Variants in SMC1B observed in about 807,000 individuals in gnomAD.
The protein encoded by SMC1B is structural maintenance of chromosomes protein 1B.
Under a neutral mutation model 157.9 loss-of-function variants are expected in SMC1B, and 60 were observed. The ratio of observed to expected loss-of-function variants is 0.38; its 90% CI spans 0.31 to 0.47. The LOEUF is 0.47. Among genes scored for constraint, SMC1B ranks in the 20% least tolerant of loss-of-function variants. The pLI is 0.99. For missense variants in SMC1B, 1,165 were observed against 1,426.2 expected (o/e 0.82, Z 2.95); for synonymous variants, 445 against 483.0 (o/e 0.92, Z 1.03).
At chr22:45,358,336 C>T (rs2086688930) in intron 19 of SMC1B, among the ~76,000 whole-genome samples, 2 of 152,180 alleles carry the variant, frequency 1.3e-5, no homozygotes, top group African/African-American at 4.8e-5. Context: ...GCCAACTGGC[C>T]ATGAGTCTGG....
intron 17 of SMC1B, among the ~76,000 whole-genome samples, chr22:45,360,347 A>G (rs2086709192): frequency 6.6e-6 from 1 of 152,132 alleles, no homozygotes. Flanking sequence ...TACCACCACC[A>G]CTAATGTAGT....
At chr22:45,405,402 A>AC (rs2087247809) in intron 4 of SMC1B, among the ~76,000 whole-genome samples, 1 of 152,062 alleles carries the variant, frequency 6.6e-6, no homozygotes, top group South Asian at 2.1e-4. Flanking sequence ...CAAAAAAAAA[A>AC]TTAGCCAGGA....
intron 22 of SMC1B, among the ~76,000 whole-genome samples, chr22:45,350,283 T>G (rs5765265): frequency 6.8e-6 from 1 of 146,304 alleles, no homozygotes; most frequent in Non-Finnish European, 1.5e-5. Context: ...TTTTTTTAAA[T>G]TTTTTTATTT....
At chr22:45,359,082 A>G (rs1179379229) in intron 18 of SMC1B, among the ~76,000 whole-genome samples, 2 of 152,148 alleles carry the variant, frequency 1.3e-5, no homozygotes, top group Non-Finnish European at 1.5e-5. Context: ...AAACAAAAAC[A>G]AAAAAACCCC....
At chr22:45,355,876 C>T (rs2086664882) in intron 19 of SMC1B, among the ~76,000 whole-genome samples, 1 of 152,144 alleles carries the variant, frequency 6.6e-6, no homozygotes, top group African/African-American at 2.4e-5. Context: ...TCAAGACCAG[C>T]CTGACCAACA....
chr22:45,365,238 C>A (rs1343054131), intron 15 of SMC1B, among the ~76,000 whole-genome samples: 1 of 152,124 alleles, frequency 6.6e-6, no homozygotes, highest in African/African-American at 2.4e-5. Context: ...AAATTTATAC[C>A]TCTAGCCTGG....
intron 12 of SMC1B, among the ~76,000 whole-genome samples, chr22:45,381,128 T>C (rs970145768): frequency 2.0e-4 from 30 of 152,036 alleles, no homozygotes; most frequent in Admixed American, 1.4e-3. Context: ...GGAAATCTTT[T>C]TGTGCGCTGG....
At chr22:45,403,232 T>C (rs1371119869) in intron 4 of SMC1B, among the ~76,000 whole-genome samples, 1 of 152,166 alleles carries the variant, frequency 6.6e-6, no homozygotes, top group African/African-American at 2.4e-5. Flanking sequence ...ATATTGTGAT[T>C]ATTATAGTCT....
intron 2 of SMC1B, among the ~76,000 whole-genome samples, chr22:45,407,945 T>TAC (rs777462580): frequency 2.6e-5 from 4 of 152,030 alleles, no homozygotes; most frequent in East Asian, 1.9e-4. Context: ...AATGTATATA[T>TAC]ACACACACAC....
chr22:45,388,958 G>C (rs2087022768), intron 10 of SMC1B, among the ~76,000 whole-genome samples: 2 of 125,172 alleles, frequency 1.6e-5, no homozygotes, highest in Admixed American at 2.0e-4. Flanking sequence ...CTGCACTCCA[G>C]ACTGGGCGAA....
At chr22:45,371,719 G>A (rs136570) in intron 13 of SMC1B, 132 bp from the exon 14 acceptor site, 531,198 of 1,077,698 alleles carry the variant, frequency 0.49, 139,016 homozygotes, top group African/African-American at 0.9. Context: ...TGGATAAAAG[G>A]TTAAATACCA....
chr22:45,375,237 CCT>C (rs1297156167), intron 12 of SMC1B, among the ~76,000 whole-genome samples: 3 of 152,168 alleles, frequency 2.0e-5, no homozygotes, highest in Non-Finnish European at 4.4e-5. Flanking sequence ...CTGGAAGCCC[CCT>C]CTCTGTTTCG....
intron 19 of SMC1B, 106 bp downstream of exon 19, chr22:45,358,591 T>TC: frequency 1.5e-6 from 1 of 679,964 alleles, no homozygotes; most frequent in Admixed American, 3.1e-5. Flanking sequence ...CATTAGGAAA[T>TC]CTTTTAAAAA....
At position 45,354,969 on chromosome 22, in the gene SMC1B, C is replaced by G. The variant is rs2086655541; in HGVS notation, c.3108G>C (p.Glu1036Asp). 6.2e-7 allele frequency: 1 copy of G among 1,614,092 alleles called. No individual in the cohort carries two copies. Among genetic ancestry groups the G allele is most frequent in the Middle Eastern group, 1.6e-4 (1 of 6,062 alleles). ...TACACTCAATTTTACCATCTGTGGA[C>G]TCTTGAAACTTGTCTCTGACAGTCT... ...NLKTVRDKFQ[E>D]STDAFEASRK... Residue 1036 changes from glutamate (E) to aspartate (D), a missense_variant, in exon 20 of 25, where the codon GAG becomes GAC. Coordinates refer to ENST00000357450, the MANE Select transcript of SMC1B (RefSeq NM_148674.5).
Position 45,396,302 on chromosome 22 carries a change from T to C in SMC1B, c.1254+44A>G, listed in dbSNP as rs527873605. Reference sequence around the variant, plus strand: ...ACAGGTACAAAAAGGAAATAAAATTTCATTAAGAATGATTCTAAATCATTA... The same window carrying C: ...ACAGGTACAAAAAGGAAATAAAATTCCATTAAGAATGATTCTAAATCATTA... On this transcript the variant is annotated intron_variant, in intron 7 of 24. Transcript: ENST00000357450. 1.6e-5 allele frequency: 24 copies of C among 1,543,694 alleles called. No homozygotes were observed. In the South Asian group the frequency reaches 2.2e-4, roughly 14 times the overall value.
intron 13 of SMC1B, among the ~76,000 whole-genome samples, 161 bp downstream of exon 13, chr22:45,371,994 A>G (rs1341665212): frequency 1.3e-5 from 2 of 152,110 alleles, no homozygotes; most frequent in African/African-American, 4.8e-5. Flanking sequence ...AGCGAACAGA[A>G]ATAAAGCCAC....
intron 6 of SMC1B, among the ~76,000 whole-genome samples, chr22:45,398,161 G>T (rs1294585453): frequency 6.6e-6 from 1 of 152,182 alleles, no homozygotes; most frequent in Admixed American, 6.5e-5. Context: ...TTAGCACACT[G>T]TAACACCCCC....
chr22:45,393,233 T>G (rs989444732), intron 9 of SMC1B, among the ~76,000 whole-genome samples: 11 of 152,076 alleles, frequency 7.2e-5, no homozygotes, highest in African/African-American at 2.7e-4. Context: ...ACTTACAGAA[T>G]AAAAATATGC....
intron 1 of SMC1B, among the ~76,000 whole-genome samples, chr22:45,411,508 T>C (rs1281142950): frequency 2.0e-5 from 3 of 152,212 alleles, no homozygotes; most frequent in African/African-American, 4.8e-5. Context: ...GTTTTGGAAG[T>C]AGATGGTGAT....
Sources: gnomAD v4.1 joint callset for allele counts (sites outside exome capture counted in the v4.1 genomes callset) on GRCh38, gnomAD v4.1.1 for gene constraint, MANE v1.5 for transcripts, NCBI Gene and HGNC (gene_info 2026-07-23, HGNC 2026-07-21) for gene names.